Variants in ZBTB40 observed in about 807,000 individuals in gnomAD.
The protein encoded by ZBTB40 is zinc finger and BTB domain-containing protein 40.
A neutral mutation model predicts 117.5 loss-of-function variants in ZBTB40; 60 were observed. The ratio of observed to expected loss-of-function variants is 0.51; its 90% confidence interval spans 0.41 to 0.63. The LOEUF (loss-of-function observed/expected upper bound fraction) is 0.63, where lower values mean the gene tolerates loss of function less well. Among genes scored for constraint, ZBTB40 ranks in the 30% least tolerant of loss-of-function variants. The pLI is 0.00. For missense variants in ZBTB40, 1,287 were observed against 1,498.5 expected (o/e 0.86, Z 2.33); for synonymous variants, 525 against 577.1 (o/e 0.91, Z 1.29).
chr1:22,457,541 T>G (rs537018891), intron 1 of ZBTB40, among the ~76,000 whole-genome samples: 1 of 152,234 alleles, frequency 6.6e-6, no homozygotes, highest in Non-Finnish European at 1.5e-5. Context: ...CGACCTCTGC[T>G]GCAGGCACTA....
intron 16 of ZBTB40, among the ~76,000 whole-genome samples, chr1:22,523,990 G>A (rs1237960182): frequency 6.6e-6 from 1 of 152,152 alleles, no homozygotes; most frequent in Non-Finnish European, 1.5e-5. Flanking sequence ...TGTCATCTCA[G>A]GGCCCCTCAC....
intron 1 of ZBTB40, 114 bp from the exon 2 acceptor site, chr1:22,489,766 C>G: frequency 1.5e-6 from 1 of 666,442 alleles, no homozygotes; most frequent in South Asian, 1.6e-5. Flanking sequence ...TCCTATTAAG[C>G]AATATTTGTT....
chr1:22,518,035 C>G (rs1339168553), intron 13 of ZBTB40, among the ~76,000 whole-genome samples: 4 of 152,182 alleles, frequency 2.6e-5, no homozygotes, highest in Non-Finnish European at 4.4e-5. Flanking sequence ...CATGCGTGGG[C>G]ACACACACAT....
upstream of ZBTB40, chr1:22,451,710 A>C (rs1052992874): frequency 5.4e-5 from 8 of 148,908 alleles, no homozygotes; most frequent in African/African-American, 2.0e-4. Context: ...GGAGTGGCCA[A>C]GGTCAGAGGT....
At chr1:22,454,106 C>T (rs1178241507) in intron 1 of ZBTB40, among the ~76,000 whole-genome samples, 2 of 152,166 alleles carry the variant, frequency 1.3e-5, no homozygotes, top group Non-Finnish European at 2.9e-5. Context: ...TGTGCCACGA[C>T]ACCCGGCTAA....
chr1:22,518,458 G>C (rs104861), intron 13 of ZBTB40, among the ~76,000 whole-genome samples: 59,152 of 151,916 alleles, frequency 0.39, 12,063 homozygotes, highest in Admixed American at 0.48. Flanking sequence ...TATTATTGGT[G>C]ACAAGAGCAA....
chr1:22,516,337 A>G (rs553242012), intron 12 of ZBTB40, among the ~76,000 whole-genome samples: 1 of 152,308 alleles, frequency 6.6e-6, no homozygotes, highest in African/African-American at 2.4e-5. Context: ...GGAGATACCT[A>G]CTAGACATCC....
At chr1:22,517,795 C>A (rs1569882056) in intron 13 of ZBTB40, among the ~76,000 whole-genome samples, 1 of 122,998 alleles carries the variant, frequency 8.1e-6, no homozygotes, top group South Asian at 2.2e-4. Context: ...GGAATATTTC[C>A]ATTAGGCCAT....
intron 16 of ZBTB40, 40 bp downstream of exon 16, chr1:22,522,503 G>A (rs1340942184): frequency 1.9e-6 from 3 of 1,598,522 alleles, no homozygotes; most frequent in South Asian, 1.1e-5. Flanking sequence ...CTAGACTCGG[G>A]GCCTGAATCT....
At chr1:22,445,154 C>T (rs1269314714) in intron 1 of ZBTB40, among the ~76,000 whole-genome samples, 1 of 152,190 alleles carries the variant, frequency 6.6e-6, no homozygotes, top group Non-Finnish European at 1.5e-5. Context: ...TCCTGCCCTG[C>T]TCATGTCTGA....
intron 2 of ZBTB40, among the ~76,000 whole-genome samples, chr1:22,491,023 G>A (rs541903116): frequency 6.6e-6 from 1 of 152,306 alleles, no homozygotes; most frequent in South Asian, 2.1e-4. Flanking sequence ...AGCCTCCTGA[G>A]TAGCTGGGAT....
chr1:22,463,348 T>C (rs576267060), intron 1 of ZBTB40, among the ~76,000 whole-genome samples: 1 of 152,232 alleles, frequency 6.6e-6, no homozygotes, highest in Non-Finnish European at 1.5e-5. Context: ...AATTTGGTAC[T>C]GTATTTATGT....
At chr1:22,453,610 A>G (rs1160728101) in intron 1 of ZBTB40, among the ~76,000 whole-genome samples, 1 of 152,214 alleles carries the variant, frequency 6.6e-6, no homozygotes, top group Non-Finnish European at 1.5e-5. Flanking sequence ...CTTTATTTAT[A>G]TGGACTATCA....
At chr1:22,471,942 G>A (rs1641417406) in intron 1 of ZBTB40, among the ~76,000 whole-genome samples, 1 of 152,208 alleles carries the variant, frequency 6.6e-6, no homozygotes, top group South Asian at 2.1e-4. Flanking sequence ...AGAGCGGATG[G>A]TGCCCCCTGG....
At chr1:22,472,023 C>T (rs1176203937) in intron 1 of ZBTB40, among the ~76,000 whole-genome samples, 2 of 152,166 alleles carry the variant, frequency 1.3e-5, no homozygotes, top group Admixed American at 6.5e-5. Flanking sequence ...AACCCACTCA[C>T]TTCTCAAGAA....
intron 13 of ZBTB40, 193 bp downstream of exon 13, chr1:22,517,657 C>T (rs1557522261): frequency 6.0e-6 from 4 of 668,854 alleles, no homozygotes; most frequent in Admixed American, 3.1e-5. Context: ...TCTCATATAA[C>T]GCTTATTTCT....
At position 22,530,892 on chromosome 1, in the gene ZBTB40, C is replaced by T. The variant is rs1639811336; in HGVS notation, c.*4496C>T. 1 of 152,156 alleles carries T rather than the reference C, an allele frequency of 6.6e-6. No homozygotes were observed. The highest frequency in any genetic ancestry group is 2.1e-4 in the South Asian group (1 of 4,822). 9.4% of individuals were successfully genotyped at this position (152,156 alleles called of 1,614,324 possible). A position where few individuals can be genotyped will look rare whatever the true frequency, so the allele number is the denominator to read the frequency against. ...AGTCTCATTCCTAAACCCTCCTTCC[C>T]AGGGAGCAAGTGTGGGGCAGGGTTT... is the stretch of plus-strand genomic sequence containing the variant. On this transcript the variant is annotated 3_prime_UTR_variant, in exon 18 of 18. Coordinates refer to ENST00000375647, the MANE Select transcript of ZBTB40 (RefSeq NM_014870.4).
At chr1:22,450,754 T>C (rs1311674746), upstream of ZBTB40, among the ~76,000 whole-genome samples, 3 of 152,144 alleles carry the variant, frequency 2.0e-5, no homozygotes, top group Non-Finnish European at 4.4e-5. Context: ...GCCCAGTAGA[T>C]TGAATTTGTG....
At chr1:22,465,509 C>T (rs1404154342) in intron 1 of ZBTB40, among the ~76,000 whole-genome samples, 1 of 152,286 alleles carries the variant, frequency 6.6e-6, no homozygotes, top group East Asian at 1.9e-4. Context: ...GGCCCCCCAG[C>T]CTTCAGGCCC....
Sources: allele counts gnomAD v4.1 joint callset (sites outside exome capture counted in the v4.1 genomes callset), GRCh38; gene constraint gnomAD v4.1.1; transcripts MANE v1.5; gene names NCBI Gene and HGNC (gene_info 2026-07-23, HGNC 2026-07-21).